Variants in AP3B1 observed in about 807,000 individuals in gnomAD.
AP3B1 encodes AP-3 complex subunit beta-1.
AP3B1 carries 61 observed loss-of-function variants against 132.5 expected under a neutral mutation model. That is an observed-to-expected ratio of 0.46 (90% CI 0.37 to 0.57). The LOEUF (loss-of-function observed/expected upper bound fraction) is 0.57. AP3B1 is among the 20% of genes least tolerant of loss of function. The pLI is 0.00. For synonymous variants in AP3B1, 388 were observed against 438.3 expected, an observed-to-expected ratio of 0.89 and a Z score of 1.43; for missense variants, 1,120 against 1,289.4, an observed-to-expected ratio of 0.87 and a Z score of 2.01.
At chr5:78,047,704 G>C (rs1748401645) in intron 22 of AP3B1, among the ~76,000 whole-genome samples, 1 of 152,156 alleles carries the variant, frequency 6.6e-6, no homozygotes, top group South Asian at 2.1e-4. Flanking sequence ...CAATGCATGT[G>C]CAGGCTTCAC....
intron 1 of AP3B1, among the ~76,000 whole-genome samples, chr5:78,292,948 G>C (rs1488285738): frequency 6.6e-6 from 1 of 151,706 alleles, no homozygotes; most frequent in Non-Finnish European, 1.5e-5. Flanking sequence ...GCGCGATCTC[G>C]GCTCACTGCA....
intron 14 of AP3B1, among the ~76,000 whole-genome samples, chr5:78,144,022 A>C (rs1753274259): frequency 6.6e-6 from 1 of 152,150 alleles, no homozygotes; most frequent in African/African-American, 2.4e-5. Context: ...AAAGAAAAGT[A>C]AATTAGTCAC....
intron 20 of AP3B1, among the ~76,000 whole-genome samples, chr5:78,108,586 C>A (rs188509820): frequency 4.1e-4 from 63 of 152,154 alleles, no homozygotes; most frequent in Non-Finnish European, 7.1e-4. Flanking sequence ...ACAATGTGAG[C>A]GAAACCCGAA....
chr5:78,113,977 G>A (rs1000337835), intron 18 of AP3B1, 54 bp from the exon 19 acceptor site: 16 of 1,567,110 alleles, frequency 1.0e-5, no homozygotes, highest in South Asian at 5.7e-5. Context: ...TTAGACACAC[G>A]GACACCTGTA....
intron 25 of AP3B1, among the ~76,000 whole-genome samples, chr5:78,019,149 C>G (rs1245977191): frequency 6.6e-6 from 1 of 152,042 alleles, no homozygotes; most frequent in African/African-American, 2.4e-5. Context: ...GACAAATAAT[C>G]AACAACCATA....
intron 1 of AP3B1, among the ~76,000 whole-genome samples, chr5:78,289,646 G>C (rs1203560876): frequency 6.6e-6 from 1 of 152,108 alleles, no homozygotes; most frequent in Non-Finnish European, 1.5e-5. Context: ...TGACATAGCT[G>C]AACATTTCCT....
At position 78,177,338 on chromosome 5, in the gene AP3B1, C is replaced by T; in HGVS notation, c.1040+1G>A. The T allele has an allele frequency of 6.2e-7, 1 of 1,603,730 alleles. No homozygotes were observed. Among genetic ancestry groups the T allele is most frequent in the Non-Finnish European group, 8.5e-7 (1 of 1,170,662 alleles). ...AAAATATATATAAAATCATGACCTA[C>T]CTATTGCTACGAAGTAAACGCACTA... On this transcript the variant is annotated splice_donor_variant, in intron 9 of 26. Transcript: ENST00000255194. LOFTEE classifies it high-confidence loss of function.
chr5:78,087,697 T>A (rs1750323099), intron 22 of AP3B1: 4 of 985,102 alleles, frequency 4.1e-6, no homozygotes, highest in Non-Finnish European at 4.8e-6. Context: ...ATAAATACTT[T>A]CCTTAGTATA....
intron 1 of AP3B1, among the ~76,000 whole-genome samples, chr5:78,292,872 ATCTTTT>A (rs1244618511): frequency 6.6e-6 from 1 of 151,824 alleles, no homozygotes; most frequent in Non-Finnish European, 1.5e-5. Flanking sequence ...TTTGACAAAA[ATCTTTT>A]TCTTTTTTTT....
rs575048636 is a variant in AP3B1 at position 78,237,462 on chromosome 5, T to TC, written c.279+3399dup. ...TGTGTTGTGTTCATGCCACTACAGT[T>TC]CCCCCCCAAAAAAAGCAAGAAGCAT... is the stretch of plus-strand genomic sequence containing the variant. On this transcript the variant is annotated intron_variant, in intron 3 of 26. Transcript: ENST00000255194. Among the ~76,000 whole-genome samples the TC allele has an allele frequency of 7.5e-3, 1,136 of 151,480 alleles. 10 individuals are homozygous for TC. Among genetic ancestry groups the TC allele is most frequent in the Non-Finnish European group, 0.011 (761 of 67,840 alleles).
At chr5:78,214,302 G>A (rs1481935195) in intron 7 of AP3B1, among the ~76,000 whole-genome samples, 2 of 151,720 alleles carry the variant, frequency 1.3e-5, no homozygotes, top group Admixed American at 6.6e-5. Context: ...TGTATATGAT[G>A]GTGTAAAACT....
At chr5:78,101,664 G>T (rs1751128777) in intron 20 of AP3B1, among the ~76,000 whole-genome samples, 1 of 151,946 alleles carries the variant, frequency 6.6e-6, no homozygotes, top group Admixed American at 6.6e-5. Flanking sequence ...TATAACTAGG[G>T]CTTCCCCCAG....
chr5:78,248,492 CAAAAAAAAAAAAA>C (rs34983157), intron 2 of AP3B1, among the ~76,000 whole-genome samples: 8 of 71,356 alleles, frequency 1.1e-4, no homozygotes, highest in Non-Finnish European at 1.5e-4. Flanking sequence ...GACTCTGTCT[CAAAAAAAAAAAAA>C]AAAAAAAAAA....
intron 7 of AP3B1, among the ~76,000 whole-genome samples, chr5:78,210,286 T>C (rs1161185649): frequency 6.6e-6 from 1 of 152,128 alleles, no homozygotes; most frequent in African/African-American, 2.4e-5. Flanking sequence ...TAAGACAGGA[T>C]CTGGATGTGG....
At chr5:78,248,403 G>A (rs1747466401) in intron 2 of AP3B1, among the ~76,000 whole-genome samples, 1 of 136,786 alleles carries the variant, frequency 7.3e-6, no homozygotes, top group Non-Finnish European at 1.5e-5. Flanking sequence ...TGAGGCAGAA[G>A]AATCACTTGA....
At chr5:78,072,076 C>T (rs1396762975) in intron 22 of AP3B1, among the ~76,000 whole-genome samples, 5 of 152,052 alleles carry the variant, frequency 3.3e-5, no homozygotes, top group African/African-American at 9.7e-5. Flanking sequence ...CACTTAAAAA[C>T]GCATTATGAA....
chr5:78,098,631 C>A (rs1294955951), intron 21 of AP3B1, among the ~76,000 whole-genome samples: 1 of 152,184 alleles, frequency 6.6e-6, no homozygotes, highest in Non-Finnish European at 1.5e-5. Flanking sequence ...CTTGTCTGTT[C>A]CCAGGTTAGT....
chr5:78,197,841 T>C (rs1246588432), intron 7 of AP3B1, among the ~76,000 whole-genome samples: 4 of 152,160 alleles, frequency 2.6e-5, no homozygotes. Flanking sequence ...GCAGTAACAA[T>C]GGACTTAGTA....
intron 2 of AP3B1, among the ~76,000 whole-genome samples, chr5:78,244,028 G>A (rs578060919): frequency 7.9e-5 from 12 of 152,294 alleles, no homozygotes; most frequent in Middle Eastern, 3.4e-3. Context: ...TTATGCAGAG[G>A]AAAGATAGTG....
Sources: gnomAD v4.1 joint callset for allele counts (sites outside exome capture counted in the v4.1 genomes callset) on GRCh38, gnomAD v4.1.1 for gene constraint, MANE v1.5 for transcripts, NCBI Gene and HGNC (gene_info 2026-07-23, HGNC 2026-07-21) for gene names.